The following PRKD1 variants were observed in gnomAD, a reference collection of about 807,000 sequenced individuals.
PRKD1 encodes the protein protein kinase D1, also known as serine/threonine-protein kinase D1.
Under a neutral mutation model 95.9 loss-of-function variants are expected in PRKD1, and 63 were observed. The ratio of observed to expected loss-of-function variants is 0.66; its 90% CI spans 0.54 to 0.81. PRKD1 has a LOEUF of 0.81. PRKD1 is among the 30% of genes least tolerant of loss of function. PRKD1 has a pLI of 0.00. For synonymous variants in PRKD1, 425 were observed against 423.1 expected, an observed-to-expected ratio of 1.00 and a Z score of -0.05; for missense variants, 1,048 against 1,165.3, an observed-to-expected ratio of 0.90 and a Z score of 1.47.
chr14:29,806,503 C>T (rs1214534692), intron 1 of PRKD1, among the ~76,000 whole-genome samples: 1 of 151,902 alleles, frequency 6.6e-6, no homozygotes, highest in Non-Finnish European at 1.5e-5. Flanking sequence ...TAGTCTGAAT[C>T]AGAAAACAGC....
intron 1 of PRKD1, among the ~76,000 whole-genome samples, chr14:29,895,058 G>A (rs1317359058): frequency 6.6e-6 from 1 of 152,158 alleles, no homozygotes; most frequent in African/African-American, 2.4e-5. Context: ...ATAGCCGGGC[G>A]CTGTGGCTCA....
At chr14:29,612,656 A>G (rs904703790) in intron 13 of PRKD1, among the ~76,000 whole-genome samples, 3 of 152,210 alleles carry the variant, frequency 2.0e-5, no homozygotes, top group Admixed American at 1.3e-4. Flanking sequence ...AATTTTCTAA[A>G]TTAATTTTCT....
chr14:29,657,590 G>C (rs997792829), intron 4 of PRKD1: 1 of 152,302 alleles, frequency 6.6e-6, no homozygotes, highest in African/African-American at 2.4e-5. Context: ...CTACAGGCCG[G>C]GCGCAGTGGC....
At chr14:29,894,093 G>A (rs1316177436) in intron 1 of PRKD1, among the ~76,000 whole-genome samples, 3 of 152,162 alleles carry the variant, frequency 2.0e-5, no homozygotes, top group Non-Finnish European at 4.4e-5. Context: ...ATTAGGGAAG[G>A]TTTCTCTGAG....
chr14:29,624,065 G>A (rs1048179718), intron 13 of PRKD1, 87 bp downstream of exon 13: 2 of 938,394 alleles, frequency 2.1e-6, no homozygotes, highest in African/African-American at 1.7e-5. Flanking sequence ...TTATGCCACA[G>A]GTTTTTAGAG....
At chr14:29,750,613 C>CGT (rs1566579102) in intron 1 of PRKD1, among the ~76,000 whole-genome samples, 6 of 142,814 alleles carry the variant, frequency 4.2e-5, no homozygotes, top group South Asian at 2.3e-4. Context: ...TGCATGAACG[C>CGT]GCGCACACAC....
At chr14:29,581,090 T>C (rs1272984068) in intron 16 of PRKD1, among the ~76,000 whole-genome samples, 6 of 152,176 alleles carry the variant, frequency 3.9e-5, no homozygotes, top group Non-Finnish European at 7.4e-5. Context: ...ATTAGTCCTA[T>C]TTATGTTTTA....
At chr14:29,787,782 A>G (rs1479611378) in intron 1 of PRKD1, among the ~76,000 whole-genome samples, 1 of 152,252 alleles carries the variant, frequency 6.6e-6, no homozygotes, top group South Asian at 2.1e-4. Flanking sequence ...TCTTTTTAAA[A>G]ATTCATTCAG....
At position 29,800,858 on chromosome 14, in the gene PRKD1, T is replaced by G. The variant is rs1247248091; in HGVS notation, c.265-75184A>C. Among the ~76,000 whole-genome samples, 3 of 152,188 alleles carry G rather than the reference T, an allele frequency of 2.0e-5. No homozygotes were observed. The East Asian group carries it at 5.8e-4, about 29-fold the overall frequency. ...CATCCCTTTCCTTCTAGCTCCACAC[T>G]TGGTCCCTTCATGATAAGACCCCTG... is the stretch of plus-strand genomic sequence containing the variant. On this transcript the variant is annotated intron_variant, in intron 1 of 17. Transcript: ENST00000331968.
chr14:29,663,857 A>G lies in PRKD1; in HGVS notation c.538T>C (p.Cys180Arg). 6.2e-7 allele frequency: 1 copy of G among 1,612,944 alleles called. No individual in the cohort carries two copies. Among genetic ancestry groups the G allele is most frequent in the Non-Finnish European group, 8.5e-7 (1 of 1,179,110 alleles). ...LVRQGLKCEG[C>R]GLNYHKRCAF... is the part of the protein sequence containing the mutation. Reference sequence around the variant, plus strand: ...CATCTCTTATGGTAATTCAGACCACACCCTGGAAAGGGAAAATAAAAATTA... The same window carrying G: ...CATCTCTTATGGTAATTCAGACCACGCCCTGGAAAGGGAAAATAAAAATTA... Residue 180 changes from cysteine to arginine, a missense_variant and splice_region_variant, in exon 4 of 18, where the codon TGT becomes CGT. Transcript: ENST00000331968.
At chr14:29,777,252 C>A (rs915874563) in intron 1 of PRKD1, among the ~76,000 whole-genome samples, 2 of 152,130 alleles carry the variant, frequency 1.3e-5, no homozygotes, top group Non-Finnish European at 2.9e-5. Context: ...AGCAAAATAA[C>A]CAGCTAAATC....
chr14:29,701,006 A>ACC (rs796135647), intron 2 of PRKD1, among the ~76,000 whole-genome samples: 14 of 50,668 alleles, frequency 2.8e-4, no homozygotes, highest in African/African-American at 1.3e-3. Flanking sequence ...ACACACACAC[A>ACC]CCCTGTTGTG....
At chr14:29,805,924 A>G (rs1271712785) in intron 1 of PRKD1, among the ~76,000 whole-genome samples, 1 of 152,250 alleles carries the variant, frequency 6.6e-6, no homozygotes, top group African/African-American at 2.4e-5. Flanking sequence ...GCAAGATAAG[A>G]GCATGAGAAC....
chr14:29,924,641 C>T (rs557954655), intron 1 of PRKD1, among the ~76,000 whole-genome samples: 1 of 152,320 alleles, frequency 6.6e-6, no homozygotes, highest in African/African-American at 2.4e-5. Flanking sequence ...AAGTTCCACA[C>T]GACTTCAGCC....
At position 29,927,244 on chromosome 14, in the gene PRKD1, C is replaced by A; in HGVS notation, c.264+5G>T. 6.7e-7 allele frequency: 1 copy of A among 1,496,664 alleles called. No individual in the cohort carries two copies. The highest frequency in any genetic ancestry group is 8.9e-7 in the Non-Finnish European group (1 of 1,122,966). The allele number at this position is 1,496,664 out of a possible 1,614,324, so 92.7% of individuals were successfully genotyped here. ...CGCCGGGCTGGCAGCGGTGCGGCGACTTACCTTCTGGTCGACAATGGAGCA... is the reference window on the plus strand; with the variant it reads ...CGCCGGGCTGGCAGCGGTGCGGCGAATTACCTTCTGGTCGACAATGGAGCA... On this transcript the variant is annotated splice_donor_5th_base_variant and intron_variant, in intron 1 of 17. Coordinates refer to ENST00000331968, the MANE Select transcript of PRKD1 (RefSeq NM_002742.3).
intron 1 of PRKD1, among the ~76,000 whole-genome samples, chr14:29,753,105 G>T (rs1033828199): frequency 3.3e-5 from 5 of 152,122 alleles, no homozygotes; most frequent in African/African-American, 1.2e-4. Context: ...AGTCAATATG[G>T]TTTAAAAAAT....
At chr14:29,651,486 T>C (rs1396100743) in intron 4 of PRKD1, among the ~76,000 whole-genome samples, 1 of 152,136 alleles carries the variant, frequency 6.6e-6, no homozygotes, top group East Asian at 1.9e-4. Flanking sequence ...CAGAATACCA[T>C]GTCTAAGGGG....
chr14:29,840,260 C>T lies in PRKD1; in HGVS notation c.264+86989G>A, dbSNP rs559798582. ...TTCAAAGTTCCACAAATCTCCAGGG[C>T]AGGGCAAAATGCTATCAGTCTCTTT... On this transcript the variant is annotated intron_variant, in intron 1 of 17. Transcript: ENST00000331968. 3.3e-5 allele frequency among the ~76,000 whole-genome samples: 5 copies of T among 152,292 alleles called. No individual in the cohort carries two copies. In the South Asian group the frequency reaches 1.0e-3, roughly 32 times the overall value.
intron 1 of PRKD1, among the ~76,000 whole-genome samples, chr14:29,877,173 AG>A (rs1893330540): frequency 6.6e-6 from 1 of 152,200 alleles, no homozygotes; most frequent in African/African-American, 2.4e-5. Context: ...AAGAAGAAGA[AG>A]AAGTAGGTAC....
Sources: gnomAD v4.1 joint callset for allele counts (sites outside exome capture counted in the v4.1 genomes callset) on GRCh38, gnomAD v4.1.1 for gene constraint, MANE v1.5 for transcripts, NCBI Gene and HGNC (gene_info 2026-07-23, HGNC 2026-07-21) for gene names.